The following RFX3 variants were observed in gnomAD, a reference collection of about 807,000 sequenced individuals.
RFX3 encodes the protein regulatory factor X3.
In RFX3, 14 loss-of-function variants were observed where a neutral mutation model predicts 98.6. The ratio of observed to expected loss-of-function variants is 0.14; its 90% CI spans 0.09 to 0.22. The LOEUF (loss-of-function observed/expected upper bound fraction) is 0.22, where lower values mean the gene tolerates loss of function less well. Among genes scored for constraint, RFX3 ranks in the 10% least tolerant of loss-of-function variants. The pLI is 1.00. For synonymous variants in RFX3, 383 were observed against 328.4 expected, an observed-to-expected ratio of 1.17 and a Z score of -1.80; for missense variants, 639 against 926.9, an observed-to-expected ratio of 0.69 and a Z score of 4.03.
chr9:3,253,456 T>A (rs192678847), intron 14 of RFX3, among the ~76,000 whole-genome samples: 1 of 152,298 alleles, frequency 6.6e-6, no homozygotes, highest in African/African-American at 2.4e-5. Flanking sequence ...ACCTTCAGGG[T>A]GGCCCTGAAG....
chr9:3,313,124 C>T (rs973268746), intron 4 of RFX3, among the ~76,000 whole-genome samples: 3 of 152,128 alleles, frequency 2.0e-5, no homozygotes, highest in East Asian at 1.9e-4. Context: ...CAGTAGGGGC[C>T]GACTGACACC....
At chr9:3,397,767 A>G (rs1587507236) in intron 1 of RFX3, among the ~76,000 whole-genome samples, 2 of 152,346 alleles carry the variant, frequency 1.3e-5, no homozygotes, top group South Asian at 4.1e-4. Flanking sequence ...TGCAAAAGGT[A>G]TAGCAGTAAC....
intron 1 of RFX3, among the ~76,000 whole-genome samples, chr9:3,403,094 T>G (rs894426756): frequency 3.3e-5 from 5 of 152,090 alleles, no homozygotes; most frequent in Non-Finnish European, 7.4e-5. Flanking sequence ...AAATTTAATT[T>G]CTTAAAACTC....
At chr9:3,319,924 T>C (rs1325775724) in intron 4 of RFX3, among the ~76,000 whole-genome samples, 2 of 152,036 alleles carry the variant, frequency 1.3e-5, no homozygotes, top group Non-Finnish European at 2.9e-5. Flanking sequence ...TTCCAAAATG[T>C]TGAACAGTAA....
intron 2 of RFX3, among the ~76,000 whole-genome samples, chr9:3,377,839 T>A (rs1034430655): frequency 6.6e-6 from 1 of 152,190 alleles, no homozygotes; most frequent in Admixed American, 6.5e-5. Context: ...TACACTTAAA[T>A]AGGTGGATTT....
At chr9:3,268,033 T>C (rs1229861738) in intron 11 of RFX3, among the ~76,000 whole-genome samples, 1 of 151,914 alleles carries the variant, frequency 6.6e-6, no homozygotes, top group African/African-American at 2.4e-5. Context: ...ATATTTTGCA[T>C]TTTAAATAAT....
In RFX3 at chr9:3,340,003, T is replaced by C. The variant is rs920451813; in HGVS notation, c.215+6664A>G. On this transcript the variant is annotated intron_variant, in intron 3 of 16. Coordinates refer to ENST00000617270, the MANE Select transcript of RFX3 (RefSeq NM_001282116.2). ...CATCACACTACCTGACTTCAAACTA[T>C]ACTACAAGGCTACAGTAACCAAAAC... 7.2e-5 allele frequency among the ~76,000 whole-genome samples: 11 copies of C among 152,180 alleles called. No individual in the cohort carries two copies. The South Asian group carries it at 1.5e-3, about 20-fold the overall frequency.
At chr9:3,398,150 C>T (rs967152170) in intron 1 of RFX3, among the ~76,000 whole-genome samples, 1 of 152,098 alleles carries the variant, frequency 6.6e-6, no homozygotes, top group African/African-American at 2.4e-5. Flanking sequence ...CACACACAAT[C>T]TTTGAACCAG....
intron 1 of RFX3, among the ~76,000 whole-genome samples, chr9:3,502,798 T>C (rs1380312622): frequency 2.0e-5 from 3 of 152,170 alleles, no homozygotes; most frequent in African/African-American, 7.2e-5. Flanking sequence ...GAGTCATCTA[T>C]GTCGGTTCTC....
At chr9:3,446,309 G>C (rs1470763743) in intron 1 of RFX3, among the ~76,000 whole-genome samples, 1 of 152,070 alleles carries the variant, frequency 6.6e-6, no homozygotes, top group Non-Finnish European at 1.5e-5. Context: ...CCTAAATGAA[G>C]TCTTCATTGA....
chr9:3,327,887 A>G (rs1216860033), intron 4 of RFX3, among the ~76,000 whole-genome samples: 1 of 142,952 alleles, frequency 7.0e-6, no homozygotes, highest in East Asian at 2.0e-4. Context: ...TGTATACCTT[A>G]TCAAAAAAAA....
chr9:3,264,878 T>C (rs144608302), intron 12 of RFX3, among the ~76,000 whole-genome samples: 172 of 152,326 alleles, frequency 1.1e-3, no homozygotes, highest in South Asian at 8.7e-3. Flanking sequence ...AACGTTGCAA[T>C]TGGATTGTTA....
intron 1 of RFX3, among the ~76,000 whole-genome samples, chr9:3,475,005 AG>A (rs755454440): frequency 6.6e-6 from 1 of 151,818 alleles, no homozygotes; most frequent in Non-Finnish European, 1.5e-5. Flanking sequence ...AGGCTGAGGC[AG>A]GAAGATTGCT....
At chr9:3,478,854 G>C (rs753863420) in intron 1 of RFX3, among the ~76,000 whole-genome samples, 3 of 152,138 alleles carry the variant, frequency 2.0e-5, no homozygotes, top group Non-Finnish European at 2.9e-5. Flanking sequence ...TTAGGCAATT[G>C]ACATTTTGCC....
intron 1 of RFX3, among the ~76,000 whole-genome samples, chr9:3,518,890 C>T (rs1340037279): frequency 6.6e-6 from 1 of 152,176 alleles, no homozygotes; most frequent in East Asian, 1.9e-4. Context: ...TAACCTCACA[C>T]ATTTTTCTAC....
At chr9:3,271,239 G>A in intron 9 of RFX3, 121 bp from the exon 10 acceptor site, 2 of 683,420 alleles carry the variant, frequency 2.9e-6, no homozygotes, top group Non-Finnish European at 2.4e-6. Flanking sequence ...AAGTTAACAT[G>A]GTGAAACTAC....
chr9:3,461,051 T>A (rs1275208772), intron 1 of RFX3, among the ~76,000 whole-genome samples: 1 of 151,104 alleles, frequency 6.6e-6, no homozygotes, highest in Non-Finnish European at 1.5e-5. Context: ...TGAGATTTAC[T>A]ATTTCTTATT....
chr9:3,364,097 A>G (rs955810292), intron 2 of RFX3, among the ~76,000 whole-genome samples: 10 of 152,178 alleles, frequency 6.6e-5, no homozygotes, highest in African/African-American at 2.4e-4. Context: ...GATGGTCTTC[A>G]TCTCCTGACC....
At chr9:3,485,209 C>T (rs954124417) in intron 1 of RFX3, among the ~76,000 whole-genome samples, 1 of 152,152 alleles carries the variant, frequency 6.6e-6, no homozygotes, top group African/African-American at 2.4e-5. Context: ...GTTAAATCTG[C>T]CCCTATACCA....
Sources: gnomAD v4.1 joint callset for allele counts (sites outside exome capture counted in the v4.1 genomes callset) on GRCh38, gnomAD v4.1.1 for gene constraint, MANE v1.5 for transcripts, NCBI Gene and HGNC (gene_info 2026-07-23, HGNC 2026-07-21) for gene names.